The following ETV6 variants were observed in gnomAD, a reference collection of about 807,000 sequenced individuals.
ETV6 encodes transcription factor ETV6.
A neutral mutation model predicts 51.1 loss-of-function variants in ETV6; 16 were observed. The ratio of observed to expected loss-of-function variants is 0.31; its 90% CI spans 0.21 to 0.48. The LOEUF is 0.48. ETV6 is among the 20% of genes least tolerant of loss of function. The pLI, the probability that ETV6 is intolerant of heterozygous loss-of-function variation, is 0.99. For missense variants in ETV6, 458 were observed against 594.8 expected (o/e 0.77, Z 2.39); for synonymous variants, 240 against 224.1 (o/e 1.07, Z -0.64).
chr12:11,745,429 T>C (rs761054320), intron 1 of ETV6, among the ~76,000 whole-genome samples: 66 of 152,260 alleles, frequency 4.3e-4, no homozygotes, highest in Non-Finnish European at 7.2e-4. Flanking sequence ...CTCTGTCCTC[T>C]GCTACTACAA....
At chr12:11,669,009 C>T (rs1864251794) in intron 1 of ETV6, among the ~76,000 whole-genome samples, 2 of 152,234 alleles carry the variant, frequency 1.3e-5, no homozygotes, top group Non-Finnish European at 2.9e-5. Flanking sequence ...GCAACTCTTA[C>T]TTTGTGGGAC....
intron 1 of ETV6, among the ~76,000 whole-genome samples, chr12:11,659,527 T>C (rs1864060893): frequency 6.6e-6 from 1 of 152,202 alleles, no homozygotes; most frequent in African/African-American, 2.4e-5. Flanking sequence ...CCCCTCTCCC[T>C]TGGGTTATGA....
At chr12:11,740,429 T>C (rs576120136) in intron 1 of ETV6, among the ~76,000 whole-genome samples, 8 of 152,214 alleles carry the variant, frequency 5.3e-5, no homozygotes, top group Non-Finnish European at 1.2e-4. Context: ...CTAGTAAGAC[T>C]TGATGCTGTA....
chr12:11,876,201 TATC>T (rs1223007824), intron 5 of ETV6, among the ~76,000 whole-genome samples: 1 of 152,208 alleles, frequency 6.6e-6, no homozygotes, highest in African/African-American at 2.4e-5. Flanking sequence ...GTTACGATAA[TATC>T]ATTAACATAA....
At chr12:11,776,111 G>A (rs530988952) in intron 2 of ETV6, among the ~76,000 whole-genome samples, 35 of 152,298 alleles carry the variant, frequency 2.3e-4, no homozygotes, top group African/African-American at 7.0e-4. Context: ...GGGAGCTCAC[G>A]GTTATGTGGA....
At position 11,736,203 on chromosome 12, in the gene ETV6, C is replaced by T. The variant is rs146840584; in HGVS notation, c.34-16247C>T. On this transcript the variant is annotated intron_variant, in intron 1 of 7. Coordinates refer to ENST00000396373, the MANE Select transcript of ETV6 (RefSeq NM_001987.5). Reference sequence around the variant, plus strand: ...CATATTTGCTGAATGAAAGAAAAATCTTTTACAAAGGTCTTCAGATCATTC... The same window carrying T: ...CATATTTGCTGAATGAAAGAAAAATTTTTTACAAAGGTCTTCAGATCATTC... Among the ~76,000 whole-genome samples, 292 of 152,290 alleles carry T rather than the reference C, an allele frequency of 1.9e-3. 1 individual carries two copies. The highest frequency in any genetic ancestry group is 6.8e-3 in the African/African-American group (281 of 41,562).
At chr12:11,875,025 C>T (rs199971405) in intron 5 of ETV6, among the ~76,000 whole-genome samples, 1 of 141,878 alleles carries the variant, frequency 7.0e-6, no homozygotes, top group East Asian at 2.0e-4. Context: ...TGCACATGTA[C>T]CCTAAAACTT....
At chr12:11,663,441 T>C (rs1864136592) in intron 1 of ETV6, among the ~76,000 whole-genome samples, 2 of 152,254 alleles carry the variant, frequency 1.3e-5, no homozygotes, top group Non-Finnish European at 2.9e-5. Context: ...TCTGTTTGCA[T>C]ATATGCCACA....
intron 1 of ETV6, among the ~76,000 whole-genome samples, chr12:11,746,062 A>G (rs965282450): frequency 2.6e-5 from 4 of 152,156 alleles, no homozygotes; most frequent in Non-Finnish European, 4.4e-5. Flanking sequence ...TGTGCTACCC[A>G]TAGGATAAGC....
intron 1 of ETV6, among the ~76,000 whole-genome samples, chr12:11,692,725 G>A (rs1379505214): frequency 6.6e-6 from 1 of 152,178 alleles, no homozygotes; most frequent in African/African-American, 2.4e-5. Flanking sequence ...TTGCTATCTA[G>A]CTGGGAGAGG....
intron 2 of ETV6, among the ~76,000 whole-genome samples, chr12:11,762,249 C>A (rs1008172728): frequency 6.6e-6 from 1 of 152,214 alleles, no homozygotes; most frequent in African/African-American, 2.4e-5. Context: ...TTCTCATAGC[C>A]CCCTTTCTGG....
chr12:11,870,107 T>C, intron 5 of ETV6, 138 bp downstream of exon 5: 1 of 991,322 alleles, frequency 1.0e-6, no homozygotes, highest in Non-Finnish European at 1.4e-6. Context: ...AATTGGAGGC[T>C]TCTGCTTGGA....
chr12:11,771,729 C>G (rs1046969606), intron 2 of ETV6, among the ~76,000 whole-genome samples: 59 of 152,226 alleles, frequency 3.9e-4, no homozygotes, highest in African/African-American at 1.1e-3. Flanking sequence ...ACACCATGTC[C>G]TATTTAACCA....
At position 11,707,579 on chromosome 12, in the gene ETV6, G is replaced by A. The variant is rs113041839; in HGVS notation, c.34-44871G>A. Among the ~76,000 whole-genome samples, 255 of 152,258 alleles carry A rather than the reference G, an allele frequency of 1.7e-3. 4 individuals carry two copies. The highest frequency in any genetic ancestry group is 5.8e-3 in the African/African-American group (242 of 41,548). On this transcript the variant is annotated intron_variant, in intron 1 of 7. Coordinates refer to ENST00000396373, the MANE Select transcript of ETV6 (RefSeq NM_001987.5). ...GCATGGGTGTTCTCAGATTGCTTTAGCCACTGATGATTTTCCTTTTAGTGT... is the reference window on the plus strand; with the variant it reads ...GCATGGGTGTTCTCAGATTGCTTTAACCACTGATGATTTTCCTTTTAGTGT...
At chr12:11,793,810 C>T (rs1945639237) in intron 2 of ETV6, among the ~76,000 whole-genome samples, 1 of 152,210 alleles carries the variant, frequency 6.6e-6, no homozygotes, top group South Asian at 2.1e-4. Context: ...CAAAGAAAGC[C>T]AGGAAGGCAG....
At chr12:11,715,872 T>G (rs1240805189) in intron 1 of ETV6, among the ~76,000 whole-genome samples, 1 of 152,236 alleles carries the variant, frequency 6.6e-6, no homozygotes, top group East Asian at 1.9e-4. Context: ...ATCAGGTTTC[T>G]GTAGGTTTCT....
chr12:11,733,882 T>A (rs1228650402), intron 1 of ETV6, among the ~76,000 whole-genome samples: 1 of 152,246 alleles, frequency 6.6e-6, no homozygotes, highest in East Asian at 1.9e-4. Context: ...GGAAAACCTC[T>A]GCTCGGCCGA....
At chr12:11,889,858 A>G (rs1483903069) in intron 7 of ETV6, among the ~76,000 whole-genome samples, 3 of 152,206 alleles carry the variant, frequency 2.0e-5, no homozygotes. Context: ...ATAGTGGCGC[A>G]GGGCAGAGTA....
At position 11,756,424 on chromosome 12, in the gene ETV6, T is replaced by C. The variant is rs191011835; in HGVS notation, c.163+3845T>C. ...CTTCTTCCATAAAGGGTACTGAATT[T>C]TTTTTGAAGCTTGAGGGTAGAAGAG... is the stretch of plus-strand genomic sequence containing the variant. On this transcript the variant is annotated intron_variant, in intron 2 of 7. Transcript: ENST00000396373. 6.6e-5 allele frequency among the ~76,000 whole-genome samples: 10 copies of C among 152,332 alleles called. No individual in the cohort carries two copies. The East Asian group carries it at 1.5e-3, about 23-fold the overall frequency.
Sources: allele counts gnomAD v4.1 joint callset (sites outside exome capture counted in the v4.1 genomes callset), GRCh38; gene constraint gnomAD v4.1.1; transcripts MANE v1.5; gene names NCBI Gene and HGNC (gene_info 2026-07-23, HGNC 2026-07-21).